CELSR1: variants seen among roughly 807,000 people sequenced by gnomAD.
CELSR1 encodes the protein adhesion G protein-coupled receptor C1.
Under a neutral mutation model 249.1 loss-of-function variants are expected in CELSR1, and 110 were observed. The observed-to-expected ratio is 0.44, with a 90% CI of 0.38 to 0.52. The LOEUF (loss-of-function observed/expected upper bound fraction) is 0.52, where lower values mean the gene tolerates loss of function less well. Among genes scored for constraint, CELSR1 ranks in the 20% least tolerant of loss-of-function variants. CELSR1 has a pLI of 0.00. For synonymous variants in CELSR1, 2,113 were observed against 1,900.0 expected, an observed-to-expected ratio of 1.11 and a Z score of -2.92; for missense variants, 4,109 against 4,296.4, an observed-to-expected ratio of 0.96 and a Z score of 1.22.
Position 46,398,598 on chromosome 22 carries a change from C to G in CELSR1, c.5452G>C (p.Val1818Leu). Residue 1818 changes from valine (V) to leucine (L), a missense_variant, in exon 11 of 35, where the codon GTA becomes CTA. Transcript: ENST00000674500. This position sits in a 1 kb window ranked among gnomAD's most constrained non-coding sequence, Gnocchi z 7.2. ...GCGCCTCCGACCACCACGCTCCTTACCGTCAGCCCGGGAAGCATGCCCCCG... is the reference window on the plus strand; with the variant it reads ...GCGCCTCCGACCACCACGCTCCTTAGCGTCAGCCCGGGAAGCATGCCCCCG... ...DIGGMLPGLTVRSVVVGGASE... is the reference protein window; with the variant it reads ...DIGGMLPGLTLRSVVVGGASE... 1 of 1,613,940 alleles carries G rather than the reference C, an allele frequency of 6.2e-7. No individual in the cohort carries two copies. Among genetic ancestry groups the G allele is most frequent in the Non-Finnish European group, 8.5e-7 (1 of 1,179,946 alleles).
At position 46,482,708 on chromosome 22, in the gene CELSR1, C is replaced by T. The variant is rs992280547; in HGVS notation, c.3545-18363G>A. 2.6e-5 allele frequency among the ~76,000 whole-genome samples: 4 copies of T among 151,530 alleles called. No homozygotes were observed. The South Asian group carries it at 8.3e-4, about 32-fold the overall frequency. On this transcript the variant is annotated intron_variant, in intron 1 of 34. Coordinates refer to ENST00000674500, the MANE Select transcript of CELSR1 (RefSeq NM_001378328.1). ...CAGCCTGGGTGAAAGAACAAAATCC[C>T]GCCTCAAAAAAAAAAGAAAATTATC...
chr22:46,386,368 C>T (rs1195066624), intron 19 of CELSR1, 34 bp downstream of exon 19: 2 of 1,497,310 alleles, frequency 1.3e-6, no homozygotes, highest in Non-Finnish European at 1.8e-6. Context: ...CTGATGGTAG[C>T]AGGGTTCCAC....
At position 46,536,631 on chromosome 22, in the gene CELSR1, G is replaced by T. The variant is rs2080859983; in HGVS notation, c.540C>A (p.Arg180=). The T allele has an allele frequency of 8.5e-7, 1 of 1,169,896 alleles. No homozygotes were observed. The highest frequency in any genetic ancestry group is 1.1e-6 in the Non-Finnish European group (1 of 950,124). 72.5% of individuals were successfully genotyped at this position (1,169,896 alleles called of 1,614,324 possible). ...GCCGCAGGGCGCACAGCAGACGCAG[G>T]CGGACCGAGCCGCCCGGCGGCAGGC... ...PICLPPGGSV[R]LRLLCALRRA... The change falls in exon 1 of 35, where the codon CGC becomes CGA. Residue 180 remains arginine, a synonymous_variant. Coordinates refer to ENST00000674500, the MANE Select transcript of CELSR1 (RefSeq NM_001378328.1).
At chr22:46,466,071 A>G (rs1168119917) in intron 1 of CELSR1, among the ~76,000 whole-genome samples, 1 of 152,194 alleles carries the variant, frequency 6.6e-6, no homozygotes, top group Non-Finnish European at 1.5e-5. Flanking sequence ...TTCTGTGGGC[A>G]ACTCCCACAG....
chr22:46,382,087 G>A, intron 20 of CELSR1, 37 bp from the exon 21 acceptor site: 5 of 1,469,664 alleles, frequency 3.4e-6, no homozygotes, highest in Non-Finnish European at 4.5e-6. Flanking sequence ...TCTGGCAGGA[G>A]CACCTGTGTT....
At position 46,365,617 on chromosome 22, in the gene CELSR1, G is replaced by A. The variant is rs143249423; in HGVS notation, c.8373C>T (p.Ser2791=). The A allele has an allele frequency of 6.3e-6, 10 of 1,594,252 alleles. No individual in the cohort carries two copies. In the African/African-American group the frequency reaches 1.2e-4, roughly 19 times the overall value. ...GATCCTTGCAGCTCCTGGGCATGAG[G>A]GACGCGTCTGGCTCTCCGTGGCTGC... ...VRGSHGEPDA[S]LMPRSCKDPP... is the part of the protein sequence containing the mutation. Residue 2791 remains serine (S), a synonymous_variant, in exon 31 of 35, where the codon TCC becomes TCT. Coordinates refer to ENST00000674500, the MANE Select transcript of CELSR1 (RefSeq NM_001378328.1).
Position 46,434,810 on chromosome 22 carries a change from A to AAC in CELSR1, c.4523-1331_4523-1330dup, listed in dbSNP as rs1302179670. ...TCAGGAGTTCAAGACCAGCCTGGCC[A>AAC]ACACAGTGAAACCCTGTCTCTACTA... is the stretch of plus-strand genomic sequence containing the variant. On this transcript the variant is annotated intron_variant, in intron 4 of 34. Transcript: ENST00000674500. The surrounding 1 kb of genome is among the most constrained non-coding windows in gnomAD (Gnocchi z 4.9). Among the ~76,000 whole-genome samples, 3 of 152,250 alleles carry AAC rather than the reference A, an allele frequency of 2.0e-5. No individual in the cohort carries two copies. The East Asian group carries it at 5.8e-4, about 30-fold the overall frequency.
At chr22:46,426,479 T>A (rs2079539365) in intron 5 of CELSR1, among the ~76,000 whole-genome samples, 1 of 152,126 alleles carries the variant, frequency 6.6e-6, no homozygotes, top group Non-Finnish European at 1.5e-5. Flanking sequence ...CATCCTCACA[T>A]GACAGAAGGG....
In CELSR1 at chr22:46,384,724, G is replaced by A. The variant is rs111348923; in HGVS notation, c.6740-38C>T. 86 of 1,579,314 alleles carry A rather than the reference G, an allele frequency of 5.4e-5. No individual in the cohort carries two copies. The Admixed American group carries it at 1.4e-3, about 26-fold the overall frequency. On this transcript the variant is annotated intron_variant, in intron 19 of 34. Transcript: ENST00000674500. ...TTCCTTTAATCAGACATAACTCCCA[G>A]GGCTTTCTTGAACCCCTGCTGTTTT... is the stretch of plus-strand genomic sequence containing the variant.
chr22:46,437,752 C>CAA lies in CELSR1; in HGVS notation c.4406+1435_4406+1436dup, dbSNP rs766527669. 0.014 allele frequency among the ~76,000 whole-genome samples: 1,562 copies of CAA among 110,882 alleles called. 31 individuals are homozygous for CAA. The highest frequency in any genetic ancestry group is 0.05 in the African/African-American group (1,478 of 29,410). The allele number at this position is 110,882 out of a possible 152,430, so 72.7% of individuals were successfully genotyped here. ...CTGGCAACAAAGCAAGACTCCGTCT[C>CAA]AAAAAAAAAAAAAAAACTGATGGTT... On this transcript the variant is annotated intron_variant, in intron 3 of 34. Coordinates refer to ENST00000674500, the MANE Select transcript of CELSR1 (RefSeq NM_001378328.1). This position sits in a 1 kb window ranked among gnomAD's most constrained non-coding sequence, Gnocchi z 4.9.
intron 1 of CELSR1, among the ~76,000 whole-genome samples, chr22:46,522,753 A>G (rs1157152377): frequency 1.3e-5 from 2 of 152,218 alleles, no homozygotes; most frequent in Non-Finnish European, 2.9e-5. Flanking sequence ...GGTGAGAGGC[A>G]GCAGGGAAGG....
Position 46,408,888 on chromosome 22 carries a change from G to C in CELSR1, c.5226+108C>G, listed in dbSNP as rs985966157. ...AGAACCCCAGGGGCGGGCGCCGGAG[G>C]AAGGGCGAGTAGCAGGTGCCCGAGT... On this transcript the variant is annotated intron_variant, in intron 9 of 34. Coordinates refer to ENST00000674500, the MANE Select transcript of CELSR1 (RefSeq NM_001378328.1). The surrounding 1 kb of genome is among the most constrained non-coding windows in gnomAD (Gnocchi z 4.6). 3 of 880,078 alleles carry C rather than the reference G, an allele frequency of 3.4e-6. No individual in the cohort carries two copies. Among genetic ancestry groups the C allele is most frequent in the Non-Finnish European group, 5.0e-6 (3 of 598,442 alleles). The allele number at this position is 880,078 out of a possible 1,614,324, so 54.5% of individuals were successfully genotyped here.
Position 46,364,189 on chromosome 22 carries a change from C to T in CELSR1, c.8842G>A (p.Gly2948Ser), listed in dbSNP as rs35364389. The change falls in exon 34 of 35, where the codon GGC (glycine) becomes AGC (serine). Residue 2948 changes from glycine (G) to serine (S), a missense_variant. Transcript: ENST00000674500. ...TCGGCCAGCTTCTCCCGGAGCCGGCCCTTCAGCGTCTGCTCCGTCAGCGTC... is the reference window on the plus strand; with the variant it reads ...TCGGCCAGCTTCTCCCGGAGCCGGCTCTTCAGCGTCTGCTCCGTCAGCGTC... ...PLTLTEQTLKGRLREKLADCE... is the reference protein window; with the variant it reads ...PLTLTEQTLKSRLREKLADCE... The T allele has an allele frequency of 0.15, 246,854 of 1,611,808 alleles. 22,631 individuals are homozygous for T. The highest frequency in any genetic ancestry group is 0.41 in the African/African-American group (30,430 of 74,956).
At chr22:46,418,480 G>A (rs902267476) in intron 5 of CELSR1, among the ~76,000 whole-genome samples, 3 of 150,198 alleles carry the variant, frequency 2.0e-5, no homozygotes, top group Admixed American at 1.3e-4. Flanking sequence ...GCAAGATTCC[G>A]CCTCAGAATA....
At chr22:46,452,297 G>C (rs1017593749) in intron 2 of CELSR1, among the ~76,000 whole-genome samples, 2 of 152,176 alleles carry the variant, frequency 1.3e-5, no homozygotes, top group African/African-American at 4.8e-5. Flanking sequence ...AGCCACGGGA[G>C]ATAAAACACT....
chr22:46,386,831 G>GC (rs1358013631), intron 18 of CELSR1, among the ~76,000 whole-genome samples: 1 of 152,088 alleles, frequency 6.6e-6, no homozygotes, highest in Non-Finnish European at 1.5e-5. Context: ...TCGGCTCACT[G>GC]CAACCTCCGC....
chr22:46,534,897 G>A lies in CELSR1; in HGVS notation c.2274C>T (p.Tyr758=), dbSNP rs28613988. ...LPLDYKQEQQ[Y]VLAVTASDGT... Reference sequence around the variant, plus strand: ...CGTCGGATGCTGTCACCGCCAGCACGTACTGCTGCTCCTGCTTGTAGTCCA... The same window carrying A: ...CGTCGGATGCTGTCACCGCCAGCACATACTGCTGCTCCTGCTTGTAGTCCA... Residue 758 remains tyrosine (Y), a synonymous_variant, in exon 1 of 35, where the codon TAC becomes TAT. Transcript: ENST00000674500. This position sits in a 1 kb window ranked among gnomAD's most constrained non-coding sequence, Gnocchi z 9.7. The A allele has an allele frequency of 0.01, 16,416 of 1,612,508 alleles. 113 individuals are homozygous for A. The highest frequency in any genetic ancestry group is 0.012 in the Non-Finnish European group (14,089 of 1,179,982).
intron 1 of CELSR1, among the ~76,000 whole-genome samples, chr22:46,516,508 A>T (rs371995751): frequency 1.2e-4 from 18 of 151,996 alleles, no homozygotes; most frequent in South Asian, 8.3e-4. Context: ...GGGGTTTTTT[A>T]AAATTTTTTT....
Position 46,534,205 on chromosome 22 carries a change from A to G in CELSR1, c.2966T>C (p.Ile989Thr). 6.2e-7 allele frequency: 1 copy of G among 1,613,812 alleles called. No individual in the cohort carries two copies. Reference protein sequence around the residue: ...LSASVEIQVTILDINDNAPMF... With the variant: ...LSASVEIQVTTLDINDNAPMF... ...GGGGGCATTGTCATTAATGTCCAAGATGGTCACCTGGATTTCTACCGAGGC... is the reference window on the plus strand; with the variant it reads ...GGGGGCATTGTCATTAATGTCCAAGGTGGTCACCTGGATTTCTACCGAGGC... The change falls in exon 1 of 35, where the codon ATC becomes ACC. Residue 989 changes from isoleucine to threonine, a missense_variant. Ile to Thr is a moderately conservative substitution (Grantham distance 89). Around this residue, in one of 7 missense-constraint regions of CELSR1, gnomAD observed 886 missense variants for 896.5 expected, o/e 0.99. Transcript: ENST00000674500. The surrounding 1 kb of genome is among the most constrained non-coding windows in gnomAD (Gnocchi z 9.7).
Sources: gnomAD v4.1 joint callset for allele counts (sites outside exome capture counted in the v4.1 genomes callset) on GRCh38, gnomAD v4.1.1 for gene constraint, gnomAD v4.1.1 regional missense constraint, Gnocchi (gnomAD v3.1) non-coding constraint, MANE v1.5 for transcripts, NCBI Gene and HGNC (gene_info 2026-07-23, HGNC 2026-07-21) for gene names.